The following CYP4Z1 variants were observed in gnomAD, a reference collection of about 807,000 sequenced individuals.
CYP4Z1 encodes the protein cytochrome P450 family 4 subfamily Z member 1, also known as cytochrome P450 4Z1.
CYP4Z1 carries 41 observed loss-of-function variants against 54.2 expected under a neutral mutation model. The observed-to-expected ratio is 0.76, with a 90% CI of 0.59 to 0.98. The LOEUF is 0.98. CYP4Z1 is among the 50% of genes least tolerant of loss of function. The pLI is 0.00. For missense variants in CYP4Z1, 513 were observed against 599.0 expected, an observed-to-expected ratio of 0.86 and a Z score of 1.50; for synonymous variants, 163 against 206.2, an observed-to-expected ratio of 0.79 and a Z score of 1.79.
chr1:47,068,719 G>A lies in CYP4Z1; in HGVS notation c.275G>A (p.Ser92Asn), dbSNP rs769543799. Residue 92 changes from serine (S) to asparagine (N), a missense_variant, in exon 2 of 12, where the codon AGT (serine) becomes AAT (asparagine). Ser to Asn is a conservative substitution (Grantham distance 46). Coordinates refer to ENST00000334194, the MANE Select transcript of CYP4Z1 (RefSeq NM_178134.3). ...LWVGPFTMFF[S>N]VHDPDYAKIL... ...GTTGGACCCTTTACGATGTTCTTCAGTGTCCATGACCCAGACTATGCCAAG... is the reference window on the plus strand; with the variant it reads ...GTTGGACCCTTTACGATGTTCTTCAATGTCCATGACCCAGACTATGCCAAG... The A allele has an allele frequency of 2.5e-5, 40 of 1,614,020 alleles. 1 individual carries two copies. In the South Asian group the frequency reaches 4.1e-4, roughly 16 times the overall value.
intron 6 of CYP4Z1, among the ~76,000 whole-genome samples, chr1:47,087,041 C>T (rs1347549015): frequency 6.6e-6 from 1 of 152,060 alleles, no homozygotes; most frequent in African/African-American, 2.4e-5. Context: ...CTGTTCTGTT[C>T]CATTGGTCTA....
the CYP4Z1 span, among the ~76,000 whole-genome samples, chr1:47,057,374 ATATG>A: frequency 9.6e-5 from 11 of 114,558 alleles, no homozygotes; most frequent in African/African-American, 3.6e-4. Context: ...ATATATATAT[ATATG>A]TATATTCTGC....
At chr1:47,058,020 G>T in the CYP4Z1 span, among the ~76,000 whole-genome samples, 11 of 152,038 alleles carry the variant, frequency 7.2e-5, no homozygotes, top group South Asian at 2.3e-3. Flanking sequence ...CATTTTGCTT[G>T]TGCAAATTCT....
At chr1:47,067,812 A>G in intron 1 of CYP4Z1, 145 bp downstream of exon 1, 1 of 707,266 alleles carries the variant, frequency 1.4e-6, no homozygotes, top group Non-Finnish European at 2.1e-6. Flanking sequence ...ATTCTATGAT[A>G]TGGGGAGGAA....
intron 9 of CYP4Z1, among the ~76,000 whole-genome samples, chr1:47,109,212 A>G (rs1303470177): frequency 1.3e-5 from 2 of 152,258 alleles, no homozygotes; most frequent in East Asian, 1.9e-4. Context: ...TTTAACAAAC[A>G]AAAAGAGAGA....
chr1:47,094,595 CT>C lies in CYP4Z1; in HGVS notation c.804del (p.Lys269ArgfsTer4). The C allele has an allele frequency of 6.2e-7, 1 of 1,605,922 alleles. No homozygotes were observed. ...EKVIQDRKESLKDKLKQDTTQ... is the reference protein window; with the variant it reads ...EKVIQDRKESXKDKLKQDTTQ... ...AGTAATCCAGGACCGGAAGGAGTCT[CT>C]TAAGGATAAGCTAAAACAAGATACT... On this transcript the variant is annotated frameshift_variant, in exon 7 of 12. Transcript: ENST00000334194. LOFTEE classifies it high-confidence loss of function.
chr1:47,110,738 A>C (rs1412438107), intron 9 of CYP4Z1, among the ~76,000 whole-genome samples: 1 of 151,570 alleles, frequency 6.6e-6, no homozygotes, highest in African/African-American at 2.4e-5. Flanking sequence ...TGGAACCAAA[A>C]ATTGAAAAAT....
intron 9 of CYP4Z1, among the ~76,000 whole-genome samples, chr1:47,110,346 A>G (rs1228769025): frequency 2.0e-5 from 3 of 149,456 alleles, no homozygotes; most frequent in Non-Finnish European, 4.4e-5. Flanking sequence ...CACTGGCTGT[A>G]AGCTAGAGCA....
chr1:47,068,825 G>A (rs1644471614), intron 2 of CYP4Z1, 62 bp downstream of exon 2: 4 of 1,574,752 alleles, frequency 2.5e-6, no homozygotes, highest in African/African-American at 1.4e-5. Context: ...GGGTGTCTGT[G>A]GCACTAGGGA....
chr1:47,093,825 A>G (rs1449754105), intron 6 of CYP4Z1, among the ~76,000 whole-genome samples: 1 of 152,372 alleles, frequency 6.6e-6, no homozygotes, highest in Non-Finnish European at 1.5e-5. Context: ...TTGGAAAGCC[A>G]CAACGTACTG....
chr1:47,096,400 C>G (rs1353376435), intron 7 of CYP4Z1, among the ~76,000 whole-genome samples: 1 of 152,152 alleles, frequency 6.6e-6, no homozygotes, highest in Admixed American at 6.6e-5. Flanking sequence ...AAGATATCGA[C>G]TCTAAAAATA....
At chr1:47,094,779 G>T in intron 7 of CYP4Z1, 110 bp downstream of exon 7, 1 of 625,632 alleles carries the variant, frequency 1.6e-6, no homozygotes, top group Non-Finnish European at 2.8e-6. Flanking sequence ...AGGCCAAGGC[G>T]GGCAGATCAC....
chr1:47,111,322 T>C lies in CYP4Z1; in HGVS notation c.1202-4207T>C, dbSNP rs1411231661. Among the ~76,000 whole-genome samples the C allele has an allele frequency of 2.0e-5, 3 of 152,284 alleles. No homozygotes were observed. In the East Asian group the frequency reaches 5.8e-4, roughly 29 times the overall value. ...CCTCCACCTCCCAAGTAGCTGGAAC[T>C]ACAGGCGCATGTCACCACGCCTGGC... On this transcript the variant is annotated intron_variant, in intron 9 of 11. Transcript: ENST00000334194.
chr1:47,070,187 C>A (rs1644481359), intron 2 of CYP4Z1, among the ~76,000 whole-genome samples: 1 of 101,438 alleles, frequency 9.9e-6, no homozygotes, highest in Non-Finnish European at 1.8e-5. Flanking sequence ...ATTTTCAACC[C>A]TACAAGAGAA....
chr1:47,062,996 C>A (rs1449529654), upstream of CYP4Z1, among the ~76,000 whole-genome samples: 1 of 152,212 alleles, frequency 6.6e-6, no homozygotes, highest in Non-Finnish European at 1.5e-5. Context: ...CACCCCTCTG[C>A]TACCTCCACT....
rs942609604 is a variant in CYP4Z1, at chr1:47,067,258, G to A, written c.-233G>A. ...ATGGGTGTGAGCTGTCATGCACATG[G>A]CTCCTATCTGAAAATCTTGTTCTTC... On this transcript the variant is annotated 5_prime_UTR_variant, in exon 1 of 12. Transcript: ENST00000334194. Among the ~76,000 whole-genome samples, 4 of 152,166 alleles carry A rather than the reference G, an allele frequency of 2.6e-5. No individual in the cohort carries two copies. The highest frequency in any genetic ancestry group is 9.7e-5 in the African/African-American group (4 of 41,436).
chr1:47,055,597 G>A, the CYP4Z1 span, among the ~76,000 whole-genome samples: 1 of 152,090 alleles, frequency 6.6e-6, no homozygotes, highest in African/African-American at 2.4e-5. Context: ...CAATTTCAGA[G>A]CCTGTTACTG....
At chr1:47,099,971 C>T (rs1352518376) in intron 8 of CYP4Z1, among the ~76,000 whole-genome samples, 2 of 151,960 alleles carry the variant, frequency 1.3e-5, no homozygotes, top group East Asian at 1.9e-4. Flanking sequence ...TGCCTGCCTT[C>T]CCATCACAAA....
chr1:47,073,854 A>T (rs1343191258), intron 2 of CYP4Z1, among the ~76,000 whole-genome samples: 1 of 152,224 alleles, frequency 6.6e-6, no homozygotes, highest in African/African-American at 2.4e-5. Context: ...AAGTTTTTTT[A>T]TCAGATATAT....
Sources: allele counts gnomAD v4.1 joint callset (sites outside exome capture counted in the v4.1 genomes callset), GRCh38; gene constraint gnomAD v4.1.1; transcripts MANE v1.5; gene names NCBI Gene and HGNC (gene_info 2026-07-23, HGNC 2026-07-21).